The following SGCZ variants were observed in gnomAD, a reference collection of about 807,000 sequenced individuals.
SGCZ encodes zeta-sarcoglycan.
SGCZ carries 40 observed loss-of-function variants against 41.3 expected under a neutral mutation model. The ratio of observed to expected loss-of-function variants is 0.97; its 90% CI spans 0.75 to 1.26. SGCZ has a LOEUF of 1.26. SGCZ is among the 50% of genes most tolerant of loss of function. The pLI is 0.00. For missense variants in SGCZ, 552 were observed against 369.8 expected, an observed-to-expected ratio of 1.49 and a Z score of -4.04; for synonymous variants, 206 against 137.5, an observed-to-expected ratio of 1.50 and a Z score of -3.49.
intron 1 of SGCZ, among the ~76,000 whole-genome samples, chr8:14,589,009 C>T (rs1035420977): frequency 2.0e-5 from 3 of 152,068 alleles, no homozygotes; most frequent in African/African-American, 7.2e-5. Flanking sequence ...TTGCCTACCA[C>T]TAAAATATGC....
chr8:14,303,900 C>T (rs755292692), intron 3 of SGCZ, among the ~76,000 whole-genome samples: 1 of 151,798 alleles, frequency 6.6e-6, no homozygotes, highest in Non-Finnish European at 1.5e-5. Flanking sequence ...TATAGGCACC[C>T]GCCACCAAGC....
chr8:14,683,782 C>G (rs913865962), intron 1 of SGCZ, among the ~76,000 whole-genome samples: 1 of 152,134 alleles, frequency 6.6e-6, no homozygotes, highest in East Asian at 1.9e-4. Context: ...TGTACAGAAC[C>G]ATAGCATTTT....
intron 1 of SGCZ, among the ~76,000 whole-genome samples, chr8:15,201,226 G>C (rs778970631): frequency 2.6e-5 from 4 of 151,996 alleles, no homozygotes; most frequent in Non-Finnish European, 5.9e-5. Context: ...CATGTTGGCC[G>C]GGCTGGTCTC....
At chr8:14,629,592 T>C (rs1936327706) in intron 1 of SGCZ, among the ~76,000 whole-genome samples, 1 of 152,076 alleles carries the variant, frequency 6.6e-6, no homozygotes, top group Non-Finnish European at 1.5e-5. Flanking sequence ...CACTGGAAAG[T>C]GACTTGTTGG....
chr8:14,593,697 T>A (rs563282209), intron 1 of SGCZ, among the ~76,000 whole-genome samples: 33 of 152,250 alleles, frequency 2.2e-4, no homozygotes, highest in Admixed American at 1.2e-3. Flanking sequence ...AATCAAAAAA[T>A]AACAAAACCA....
intron 1 of SGCZ, among the ~76,000 whole-genome samples, chr8:15,191,805 A>C (rs1308214553): frequency 6.6e-6 from 1 of 152,108 alleles, no homozygotes; most frequent in Non-Finnish European, 1.5e-5. Flanking sequence ...ACTTCAACTC[A>C]GTCCTACCTA....
At chr8:14,322,468 C>G (rs183194105) in intron 3 of SGCZ, among the ~76,000 whole-genome samples, 2 of 152,046 alleles carry the variant, frequency 1.3e-5, no homozygotes, top group Non-Finnish European at 2.9e-5. Flanking sequence ...CCTCTATGGT[C>G]CATAGGTGGA....
intron 1 of SGCZ, among the ~76,000 whole-genome samples, chr8:14,915,633 G>A (rs1299634195): frequency 6.6e-6 from 1 of 152,048 alleles, no homozygotes; most frequent in African/African-American, 2.4e-5. Flanking sequence ...AGGGCACGGC[G>A]ACCAGCCTTC....
rs149903560 is a variant in SGCZ at position 15,061,192 on chromosome 8, C to T, written c.39+176393G>A. ...GTGTGATAGTATTAAGAGGGGGGAA[C>T]ATTTCAGAGGTGATTAAGTCATGAA... On this transcript the variant is annotated intron_variant, in intron 1 of 7. Coordinates refer to ENST00000382080, the MANE Select transcript of SGCZ (RefSeq NM_139167.4). 1.9e-4 allele frequency among the ~76,000 whole-genome samples: 29 copies of T among 152,216 alleles called. No homozygotes were observed. In the East Asian group the frequency reaches 5.0e-3, roughly 26 times the overall value.
At chr8:14,536,006 G>A (rs1041073573) in intron 2 of SGCZ, among the ~76,000 whole-genome samples, 3 of 151,730 alleles carry the variant, frequency 2.0e-5, no homozygotes, top group African/African-American at 7.3e-5. Context: ...AGCTTAGGTG[G>A]TAAATGAGAG....
At chr8:15,088,049 G>T (rs1174204893) in intron 1 of SGCZ, among the ~76,000 whole-genome samples, 2 of 152,096 alleles carry the variant, frequency 1.3e-5, no homozygotes, top group African/African-American at 2.4e-5. Context: ...TAATGTAAGT[G>T]TGTCTCAAAT....
At chr8:14,317,161 A>G (rs1437757965) in intron 3 of SGCZ, among the ~76,000 whole-genome samples, 1 of 152,094 alleles carries the variant, frequency 6.6e-6, no homozygotes, top group Non-Finnish European at 1.5e-5. Flanking sequence ...AACACATGTA[A>G]AACATTTAGC....
At chr8:14,308,545 C>G (rs185250616) in intron 3 of SGCZ, among the ~76,000 whole-genome samples, 2 of 152,028 alleles carry the variant, frequency 1.3e-5, no homozygotes, top group East Asian at 1.9e-4. Flanking sequence ...GAAAGACCCC[C>G]TTGCCCCTGG....
intron 4 of SGCZ, among the ~76,000 whole-genome samples, chr8:14,206,373 A>G (rs1339690145): frequency 6.6e-6 from 1 of 152,186 alleles, no homozygotes; most frequent in East Asian, 1.9e-4. Context: ...GTTGCTGAAT[A>G]AAATAAATGT....
chr8:14,493,220 TTC>T (rs946455757), intron 2 of SGCZ, among the ~76,000 whole-genome samples: 3 of 151,984 alleles, frequency 2.0e-5, no homozygotes, highest in African/African-American at 7.2e-5. Context: ...TTCTTTGTAT[TTC>T]TCCCTCCTCT....
At chr8:15,211,105 A>C (rs1217526434) in intron 1 of SGCZ, among the ~76,000 whole-genome samples, 1 of 151,196 alleles carries the variant, frequency 6.6e-6, no homozygotes, top group Non-Finnish European at 1.5e-5. Flanking sequence ...ATATATAGCT[A>C]TATCTAGATA....
chr8:14,986,243 T>C (rs1380649361), intron 1 of SGCZ, among the ~76,000 whole-genome samples: 1 of 152,204 alleles, frequency 6.6e-6, no homozygotes, highest in East Asian at 1.9e-4. Context: ...GTACAGAACA[T>C]TCTTAAGTTT....
At chr8:14,676,946 A>G (rs559504434) in intron 1 of SGCZ, among the ~76,000 whole-genome samples, 11 of 152,310 alleles carry the variant, frequency 7.2e-5, no homozygotes, top group East Asian at 1.9e-4. Context: ...TCAACATCAT[A>G]CTGTAAATTC....
chr8:14,341,601 G>A (rs1802708414), intron 2 of SGCZ, among the ~76,000 whole-genome samples: 1 of 152,030 alleles, frequency 6.6e-6, no homozygotes, highest in South Asian at 2.1e-4. Flanking sequence ...AACTGGTATG[G>A]TTTGGCTGTG....
Sources: gnomAD v4.1 joint callset for allele counts (sites outside exome capture counted in the v4.1 genomes callset) on GRCh38, gnomAD v4.1.1 for gene constraint, MANE v1.5 for transcripts, NCBI Gene and HGNC (gene_info 2026-07-23, HGNC 2026-07-21) for gene names.